The following CELSR3 variants were observed in gnomAD, a reference collection of about 807,000 sequenced individuals.
CELSR3 encodes the protein cadherin EGF LAG seven-pass G-type receptor 3, also known as EGF-like protein 1.
In CELSR3, 73 loss-of-function variants were observed where a neutral mutation model predicts 270.0. That is an observed-to-expected ratio of 0.27 (90% CI 0.22 to 0.33). CELSR3 has a LOEUF of 0.33. Among genes scored for constraint, CELSR3 ranks in the 10% least tolerant of loss-of-function variants. The probability of loss-of-function intolerance (pLI) is 1.00; values close to 1 mark genes in which losing one functional copy is unlikely to be tolerated. For synonymous variants in CELSR3, 1,780 were observed against 1,905.4 expected, an observed-to-expected ratio of 0.93 and a Z score of 1.71; for missense variants, 3,614 against 4,533.8, an observed-to-expected ratio of 0.80 and a Z score of 5.83.
chr3:48,647,069 A>T, intron 20 of CELSR3, 141 bp from the exon 21 acceptor site: 1 of 753,270 alleles, frequency 1.3e-6, no homozygotes, highest in Non-Finnish European at 2.0e-6. Context: ...GAACCCAGAA[A>T]GTAACAGTCA....
In CELSR3 at chr3:48,642,945, C is replaced by A. The variant is rs758504269; in HGVS notation, c.8406+22G>T. ...GAAGCAGCCTAAAACTCTGGCTTCT[C>A]AGGGCCCCCATCCCGACTCACCAGC... On this transcript the variant is annotated intron_variant, in intron 29 of 34. Transcript: ENST00000164024. The surrounding 1 kb of genome is among the most constrained non-coding windows in gnomAD (Gnocchi z 6.1). The A allele has an allele frequency of 6.2e-7, 1 of 1,609,914 alleles. No homozygotes were observed. Among genetic ancestry groups the A allele is most frequent in the East Asian group, 2.2e-5 (1 of 44,814 alleles).
At position 48,656,140 on chromosome 3, in the gene CELSR3, G is replaced by A. The variant is rs2047179250; in HGVS notation, c.4625C>T (p.Ser1542Leu). 1.3e-6 allele frequency: 2 copies of A among 1,535,574 alleles called. No homozygotes were observed. Among genetic ancestry groups the A allele is most frequent in the Non-Finnish European group, 1.7e-6 (2 of 1,146,820 alleles). ...GCTCAGACACGGGGCGGGCACCTAC[G>A]AGAGGGACAGCGTAAGGTGGAATCG... The part of the protein sequence containing the change: ...RQRFHLTLSL[S>L]FATVQQSGLL... Residue 1542 changes from serine (S) to leucine (L), a missense_variant and splice_region_variant, in exon 3 of 35, where the codon TCG becomes TTG. By Grantham distance (145) the Ser-to-Leu change is moderately radical. Around this residue, in one of 7 missense-constraint regions of CELSR3, gnomAD observed 1,331 missense variants for 1,933.7 expected, o/e 0.69. Coordinates refer to ENST00000164024, the MANE Select transcript of CELSR3 (RefSeq NM_001407.3).
rs774127076 is a variant in CELSR3 at position 48,640,509 on chromosome 3, C to T, written c.9076G>A (p.Ala3026Thr). The change falls in exon 34 of 35, where the codon GCC becomes ACC. Residue 3026 changes from alanine (A) to threonine (T), a missense_variant. Coordinates refer to ENST00000164024, the MANE Select transcript of CELSR3 (RefSeq NM_001407.3). This position sits in a 1 kb window ranked among gnomAD's most constrained non-coding sequence, Gnocchi z 7.5. ...QYPLVPQTRG[A>T]PELSWCRAAT... ...GCACGGCACCAGGACAGCTCAGGGG[C>T]ACCTCGGGTCTGTGGCACCAGTGGG... 27 of 1,607,228 alleles carry T rather than the reference C, an allele frequency of 1.7e-5. No homozygotes were observed. The South Asian group carries it at 3.0e-4, about 18-fold the overall frequency.
chr3:48,643,240 G>C, intron 28 of CELSR3, 157 bp from the exon 29 acceptor site: 1 of 640,212 alleles, frequency 1.6e-6, no homozygotes, highest in Non-Finnish European at 2.7e-6. Context: ...AAGGTCAGCA[G>C]GGGAGAGGAT....
Position 48,656,270 on chromosome 3 carries a change from G to A in CELSR3, c.4495C>T (p.Arg1499Cys), listed in dbSNP as rs2047180721. 31 of 1,532,964 alleles carry A rather than the reference G, an allele frequency of 2.0e-5. No homozygotes were observed. Among genetic ancestry groups the A allele is most frequent in the Non-Finnish European group, 2.7e-5 (31 of 1,145,472 alleles). 95.0% of individuals were successfully genotyped at this position (1,532,964 alleles called of 1,614,324 possible). A position where few individuals can be genotyped will look rare whatever the true frequency, so the allele number is the denominator to read the frequency against. The change falls in exon 3 of 35, where the codon CGC becomes TGC. Residue 1499 changes from arginine (R) to cysteine (C), a missense_variant. By Grantham distance (180) the Arg-to-Cys change is radical. Coordinates refer to ENST00000164024, the MANE Select transcript of CELSR3 (RefSeq NM_001407.3). ...TCTDAPNGGF[R>C]CQCPAGGAFE... ...GCGCCGCCTGCCGGGCACTGGCAGC[G>A]AAAGCCGCCGTTGGGCGCGTCGGTG... is the stretch of plus-strand genomic sequence containing the variant.
Position 48,645,710 on chromosome 3 carries a change from C to A in CELSR3, c.7590+32G>T, listed in dbSNP as rs765993209. On this transcript the variant is annotated intron_variant, in intron 23 of 34. Coordinates refer to ENST00000164024, the MANE Select transcript of CELSR3 (RefSeq NM_001407.3). This position sits in a 1 kb window ranked among gnomAD's most constrained non-coding sequence, Gnocchi z 5.4. ...AGAATCCCCGTGTCCCTTTGACCCC[C>A]CACTTCCTTGGGACACTGAACACAG... 6.2e-7 allele frequency: 1 copy of A among 1,600,644 alleles called. No homozygotes were observed. The highest frequency in any genetic ancestry group is 1.1e-5 in the South Asian group (1 of 90,648).
Position 48,655,999 on chromosome 3 carries a change from C to G in CELSR3, c.4625+141G>C. ...ACCGACCGGGGGGACGCGGGTGCAG[C>G]GAGGTCAGGAGACCCCGGGCGGGGC... On this transcript the variant is annotated intron_variant, in intron 3 of 34. Coordinates refer to ENST00000164024, the MANE Select transcript of CELSR3 (RefSeq NM_001407.3). The surrounding 1 kb of genome is among the most constrained non-coding windows in gnomAD (Gnocchi z 5.8). 2 of 1,129,804 alleles carry G rather than the reference C, an allele frequency of 1.8e-6. No individual in the cohort carries two copies. The highest frequency in any genetic ancestry group is 2.5e-6 in the Non-Finnish European group (2 of 784,630). The allele number at this position is 1,129,804 out of a possible 1,614,324, so 70.0% of individuals were successfully genotyped here.
chr3:48,661,616 G>C lies in CELSR3; in HGVS notation c.1019C>G (p.Ala340Gly). The change falls in exon 1 of 35, where the codon GCA becomes GGA. Residue 340 changes from alanine (A) to glycine (G), a missense_variant. Transcript: ENST00000164024. ...YQTLVPENEA[A>G]GTAVLRVVAQ... ...AACCACGCGTAGCACCGCGGTGCCTGCTGCCTCATTCTCCGGCACCAGCGT... is the reference window on the plus strand; with the variant it reads ...AACCACGCGTAGCACCGCGGTGCCTCCTGCCTCATTCTCCGGCACCAGCGT... 6.2e-7 allele frequency: 1 copy of C among 1,607,222 alleles called. No individual in the cohort carries two copies. Among genetic ancestry groups the C allele is most frequent in the Non-Finnish European group, 8.5e-7 (1 of 1,177,226 alleles).
rs1199348949 is a variant in CELSR3 at position 48,642,557 on chromosome 3, G to A, written c.8556-90C>T. The A allele has an allele frequency of 3.8e-5, 55 of 1,449,470 alleles. No homozygotes were observed. The highest frequency in any genetic ancestry group is 4.8e-5 in the East Asian group (2 of 41,616). 89.8% of individuals were successfully genotyped at this position (1,449,470 alleles called of 1,614,324 possible). ...TGTCTTTGAGTGCACAGCCAGCTGC[G>A]GGTGGAATGGCATCCCTGGGTGTGT... On this transcript the variant is annotated intron_variant, in intron 30 of 34. Transcript: ENST00000164024. The surrounding 1 kb of genome is among the most constrained non-coding windows in gnomAD (Gnocchi z 6.1).
chr3:48,639,527 C>G lies in CELSR3; in HGVS notation c.9911+147G>C. 1 of 1,073,912 alleles carries G rather than the reference C, an allele frequency of 9.3e-7. No individual in the cohort carries two copies. 66.5% of individuals were successfully genotyped at this position (1,073,912 alleles called of 1,614,324 possible). ...TTCTTGCCAGATTCCTGTCCCCAGC[C>G]TGTGGCCCTCTGGCTGTGCTGAGCC... On this transcript the variant is annotated intron_variant, in intron 34 of 34. Coordinates refer to ENST00000164024, the MANE Select transcript of CELSR3 (RefSeq NM_001407.3). This position sits in a 1 kb window ranked among gnomAD's most constrained non-coding sequence, Gnocchi z 4.1.
Position 48,644,511 on chromosome 3 carries a change from G to A in CELSR3, c.8085+205C>T, listed in dbSNP as rs552263787. Among the ~76,000 whole-genome samples, 79 of 152,132 alleles carry A rather than the reference G, an allele frequency of 5.2e-4. No individual in the cohort carries two copies. The highest frequency in any genetic ancestry group is 9.4e-4 in the Non-Finnish European group (64 of 68,022). On this transcript the variant is annotated intron_variant, in intron 26 of 34. Transcript: ENST00000164024. The surrounding 1 kb of genome is among the most constrained non-coding windows in gnomAD (Gnocchi z 4.8). ...AGAGAGAAGCAGAGACAGAGGCAGGGACAGGCAACTGAATCTCTGACCCCG... is the reference window on the plus strand; with the variant it reads ...AGAGAGAAGCAGAGACAGAGGCAGGAACAGGCAACTGAATCTCTGACCCCG...
rs1024254624 is a variant in CELSR3, at chr3:48,644,106, T to C, written c.8165+110A>G. The C allele has an allele frequency of 5.9e-5, 51 of 865,958 alleles. No individual in the cohort carries two copies. The highest frequency in any genetic ancestry group is 4.3e-4 in the South Asian group (27 of 62,596). 53.6% of individuals were successfully genotyped at this position (865,958 alleles called of 1,614,324 possible). A position where few individuals can be genotyped will look rare whatever the true frequency, so the allele number is the denominator to read the frequency against. ...GGGCAGGTGTGACTTCATTCCTTCA[T>C]CTAGAACTTGGAGCCCAACCTGCAC... On this transcript the variant is annotated intron_variant, in intron 27 of 34. Transcript: ENST00000164024. The surrounding 1 kb of genome is among the most constrained non-coding windows in gnomAD (Gnocchi z 4.8).
intron 28 of CELSR3, 56 bp downstream of exon 28, chr3:48,643,498 C>T: frequency 5.2e-6 from 8 of 1,534,044 alleles, no homozygotes; most frequent in Non-Finnish European, 7.0e-6. Context: ...TAGGGATGGC[C>T]CCAGCCTACT....
rs951042380 is a variant in CELSR3, at chr3:48,641,902, G to A, written c.8773C>T (p.Arg2925Trp). 39 of 1,581,758 alleles carry A rather than the reference G, an allele frequency of 2.5e-5. No homozygotes were observed. The highest frequency in any genetic ancestry group is 2.7e-5 in the African/African-American group (2 of 74,018). The part of the protein sequence containing the change: ...DNGRTRGRFQ[R>W]PLCRAAQSER... ...CTCTGGGCTGCTCGGCAGAGTGGCC[G>A]TTGGAAGCGCCCCCGCGTCCGGCCA... The change falls in exon 32 of 35, where the codon CGG (arginine) becomes TGG (tryptophan). Residue 2925 changes from arginine (R) to tryptophan (W), a missense_variant. Around this residue, in one of 7 missense-constraint regions of CELSR3, gnomAD observed 1,240 missense variants for 1,351.7 expected, o/e 0.92. Transcript: ENST00000164024. This position sits in a 1 kb window ranked among gnomAD's most constrained non-coding sequence, Gnocchi z 4.8.
Position 48,645,096 on chromosome 3 carries a change from C to T in CELSR3, c.7911G>A (p.Val2637=), listed in dbSNP as rs1432248444. Residue 2637 remains valine, a synonymous_variant, in exon 25 of 35, where the codon GTG becomes GTA. Coordinates refer to ENST00000164024, the MANE Select transcript of CELSR3 (RefSeq NM_001407.3). The surrounding 1 kb of genome is among the most constrained non-coding windows in gnomAD (Gnocchi z 5.4). ...GGTAGAAGCGCATGGCGCCGCGGTC[C>T]ACGTTGCGTGGCTCAACCTGCATGC... ...LYRMQVEPRN[V]DRGAMRFYHA... is the part of the protein sequence containing the mutation. 1.2e-6 allele frequency: 2 copies of T among 1,604,312 alleles called. No individual in the cohort carries two copies. The highest frequency in any genetic ancestry group is 2.2e-5 in the South Asian group (2 of 90,788).
At position 48,641,479 on chromosome 3, in the gene CELSR3, T is replaced by A. The variant is rs1490034637; in HGVS notation, c.8870A>T (p.Glu2957Val). The A allele has an allele frequency of 6.2e-7, 1 of 1,611,868 alleles. No individual in the cohort carries two copies. The highest frequency in any genetic ancestry group is 1.7e-5 in the Admixed American group (1 of 60,008). ...DLLSYWPALG[E>V]CEAAPCALQT... ...CAGAGCACAGGGGGCTGCCTCGCAC[T>A]CCCCCAGGGCTGGCCAGTAGGACAG... The change falls in exon 33 of 35, where the codon GAG (glutamate) becomes GTG (valine). Residue 2957 changes from glutamate (E) to valine (V), a missense_variant. By Grantham distance (121) the Glu-to-Val change is moderately radical. Coordinates refer to ENST00000164024, the MANE Select transcript of CELSR3 (RefSeq NM_001407.3). The surrounding 1 kb of genome is among the most constrained non-coding windows in gnomAD (Gnocchi z 4.8).
rs1182564072 is a variant in CELSR3, at chr3:48,652,212, C to T, written c.5752-164G>A. Among the ~76,000 whole-genome samples, 2 of 152,176 alleles carry T rather than the reference C, an allele frequency of 1.3e-5. No homozygotes were observed. Among genetic ancestry groups the T allele is most frequent in the Non-Finnish European group, 2.9e-5 (2 of 68,036 alleles). On this transcript the variant is annotated intron_variant, in intron 11 of 34. Transcript: ENST00000164024. The surrounding 1 kb of genome is among the most constrained non-coding windows in gnomAD (Gnocchi z 4.3). Reference sequence around the variant, plus strand: ...TCCCCAATTTGGTACCCCTGTGGGACCCTAATTGTGCTGTTTCTGACACAG... The same window carrying T: ...TCCCCAATTTGGTACCCCTGTGGGATCCTAATTGTGCTGTTTCTGACACAG...
In CELSR3 at chr3:48,660,993, T is replaced by C. The variant is rs1365480709; in HGVS notation, c.1642A>G (p.Lys548Glu). Residue 548 changes from lysine to glutamate, a missense_variant, in exon 1 of 35, where the codon AAG becomes GAG. Transcript: ENST00000164024. The surrounding 1 kb of genome is among the most constrained non-coding windows in gnomAD (Gnocchi z 5.5). Reference sequence around the variant, plus strand: ...TCGCGCACCTGCGCCACGTAGCGCTTCTCGCTGAACTGAGGAGCATTGTCG... The same window carrying C: ...TCGCGCACCTGCGCCACGTAGCGCTCCTCGCTGAACTGAGGAGCATTGTCG... ...ENDNAPQFSEKRYVAQVREDV... is the reference protein window; with the variant it reads ...ENDNAPQFSEERYVAQVREDV... 5.6e-6 allele frequency: 9 copies of C among 1,613,922 alleles called. No homozygotes were observed. The highest frequency in any genetic ancestry group is 6.8e-6 in the Non-Finnish European group (8 of 1,180,038).
At chr3:48,643,848 A>G (rs1340182340) in intron 27 of CELSR3, 171 bp from the exon 28 acceptor site, 1 of 723,358 alleles carries the variant, frequency 1.4e-6, no homozygotes, top group Non-Finnish European at 2.2e-6. Flanking sequence ...GGTCCCACAA[A>G]GAAACAGGAG....
Sources: allele counts gnomAD v4.1 joint callset (sites outside exome capture counted in the v4.1 genomes callset), GRCh38; gene constraint gnomAD v4.1.1; regional missense constraint gnomAD v4.1.1; non-coding constraint Gnocchi (gnomAD v3.1); transcripts MANE v1.5; gene names NCBI Gene and HGNC (gene_info 2026-07-23, HGNC 2026-07-21).